IMMP2L: variants seen among roughly 807,000 people sequenced by gnomAD.
IMMP2L encodes mitochondrial inner membrane protease subunit 2.
Under a neutral mutation model 19.3 loss-of-function variants are expected in IMMP2L, and 18 were observed. The observed-to-expected ratio is 0.93, with a 90% CI of 0.64 to 1.38. The LOEUF (loss-of-function observed/expected upper bound fraction) is 1.38, where lower values mean the gene tolerates loss of function less well. Ranked by LOEUF, IMMP2L falls within the 40% of genes most tolerant of loss-of-function variation. The pLI, the probability that IMMP2L is intolerant of heterozygous loss-of-function variation, is 0.00. For missense variants in IMMP2L, 233 were observed against 218.2 expected, an observed-to-expected ratio of 1.07 and a Z score of -0.43; for synonymous variants, 76 against 73.0, an observed-to-expected ratio of 1.04 and a Z score of -0.21.
intron 3 of IMMP2L, among the ~76,000 whole-genome samples, chr7:111,168,412 A>T (rs1304187763): frequency 6.6e-6 from 1 of 151,808 alleles, no homozygotes; most frequent in Non-Finnish European, 1.5e-5. Flanking sequence ...ATCTATAAAC[A>T]GGAGGTTTGG....
chr7:110,896,041 T>G (rs1399708827), intron 4 of IMMP2L, among the ~76,000 whole-genome samples: 3 of 152,110 alleles, frequency 2.0e-5, no homozygotes. Context: ...AGGCTACTCT[T>G]GAACTCCTAG....
chr7:111,474,675 C>T (rs553836674), intron 3 of IMMP2L, among the ~76,000 whole-genome samples: 51 of 152,154 alleles, frequency 3.4e-4, no homozygotes, highest in African/African-American at 1.2e-3. Flanking sequence ...TAACTGATTT[C>T]CCCCCTTGAT....
chr7:110,803,624 A>G lies in IMMP2L; in HGVS notation c.408+82969T>C, dbSNP rs1801409991. 6.6e-6 allele frequency among the ~76,000 whole-genome samples: 1 copy of G among 152,002 alleles called. No individual in the cohort carries two copies. The highest frequency in any genetic ancestry group is 2.1e-4 in the South Asian group (1 of 4,824). ...GGGTCTTCCTACCTCTGCTGTGGTT[A>G]GTCATTGGATGGGGGGAGCTCCAGA... On this transcript the variant is annotated intron_variant, in intron 5 of 5. Transcript: ENST00000405709. This position sits in a 1 kb window ranked among gnomAD's most constrained non-coding sequence, Gnocchi z 4.2.
intron 3 of IMMP2L, 144 bp downstream of exon 3, chr7:111,487,094 A>G (rs1366999466): frequency 2.3e-6 from 1 of 442,220 alleles, no homozygotes; most frequent in Non-Finnish European, 4.0e-6. Context: ...TACACTGCAA[A>G]ATTGATTTTT....
At chr7:110,816,194 T>A (rs150755930) in intron 5 of IMMP2L, among the ~76,000 whole-genome samples, 6 of 152,014 alleles carry the variant, frequency 3.9e-5, no homozygotes, top group Non-Finnish European at 5.9e-5. Context: ...TCAAAGAACA[T>A]CTTTATTTCT....
At chr7:110,795,788 A>G (rs1398327561) in intron 5 of IMMP2L, among the ~76,000 whole-genome samples, 2 of 152,060 alleles carry the variant, frequency 1.3e-5, no homozygotes, top group Non-Finnish European at 1.5e-5. Context: ...GAAACCAGCT[A>G]CTAAATCCCA....
At chr7:110,808,829 G>T (rs1801817683) in intron 5 of IMMP2L, among the ~76,000 whole-genome samples, 1 of 151,996 alleles carries the variant, frequency 6.6e-6, no homozygotes, top group Admixed American at 6.6e-5. Context: ...ACCTAAATAT[G>T]GTTCTATGTG....
intron 3 of IMMP2L, among the ~76,000 whole-genome samples, chr7:111,234,071 C>T (rs957853899): frequency 7.9e-5 from 12 of 151,856 alleles, no homozygotes; most frequent in Non-Finnish European, 1.8e-4. Context: ...TATAAATTTC[C>T]CTTTAAGTAT....
chr7:111,124,580 G>GA (rs747411092), intron 3 of IMMP2L: 3 of 1,613,560 alleles, frequency 1.9e-6, no homozygotes, highest in African/African-American at 2.7e-5. Context: ...CAGAAAAACA[G>GA]AAAAAAATGT....
Position 111,152,225 on chromosome 7 carries a change from TATTA to T in IMMP2L, c.240-188664_240-188661del, listed in dbSNP as rs1399965965. On this transcript the variant is annotated intron_variant, in intron 3 of 5. Transcript: ENST00000405709. ...AGTTTTAATATGTAATATTAATTGC[TATTA>T]ATTACATAATCATAATGAATTTGAA... Among the ~76,000 whole-genome samples, 5 of 152,306 alleles carry T rather than the reference TATTA, an allele frequency of 3.3e-5. No homozygotes were observed. The South Asian group carries it at 1.0e-3, about 32-fold the overall frequency.
intron 3 of IMMP2L, among the ~76,000 whole-genome samples, chr7:111,079,718 A>T (rs1358908272): frequency 6.6e-6 from 1 of 152,210 alleles, no homozygotes; most frequent in African/African-American, 2.4e-5. Flanking sequence ...ATTTGTCTTC[A>T]AATTATAATC....
rs117798900 is a variant in IMMP2L, at chr7:110,698,496, G to A, written c.409-34775C>T. Reference sequence around the variant, plus strand: ...GGACAGGTGGATGGATGAATGGAGCGATGAGAGAATACCCTCCCCTCTACC... The same window carrying A: ...GGACAGGTGGATGGATGAATGGAGCAATGAGAGAATACCCTCCCCTCTACC... On this transcript the variant is annotated intron_variant, in intron 5 of 5. Transcript: ENST00000405709. 1.4e-4 allele frequency among the ~76,000 whole-genome samples: 21 copies of A among 152,272 alleles called. No homozygotes were observed. In the East Asian group the frequency reaches 3.9e-3, roughly 28 times the overall value.
At chr7:110,884,033 G>C (rs1166006431) in intron 5 of IMMP2L, among the ~76,000 whole-genome samples, 3 of 152,118 alleles carry the variant, frequency 2.0e-5, no homozygotes, top group East Asian at 1.9e-4. Context: ...ATTTTTAATT[G>C]AAGAGTCAAT....
At chr7:111,031,719 G>C (rs577163362) in intron 3 of IMMP2L, among the ~76,000 whole-genome samples, 3 of 152,094 alleles carry the variant, frequency 2.0e-5, no homozygotes, top group Non-Finnish European at 4.4e-5. Context: ...GCTGCTCATA[G>C]TGACTATCTT....
At chr7:111,122,085 G>A (rs183601797) in intron 3 of IMMP2L, among the ~76,000 whole-genome samples, 1 of 132,886 alleles carries the variant, frequency 7.5e-6, no homozygotes, top group Admixed American at 7.8e-5. Context: ...GTTGTGGGGT[G>A]GGGGGAGGGA....
At chr7:111,439,831 T>C (rs28704628) in intron 3 of IMMP2L, among the ~76,000 whole-genome samples, 1 of 151,846 alleles carries the variant, frequency 6.6e-6, no homozygotes, top group African/African-American at 2.4e-5. Flanking sequence ...AAAACTTCTT[T>C]CAAAATTAGG....
chr7:111,307,586 T>C (rs1823018062), intron 3 of IMMP2L, among the ~76,000 whole-genome samples: 1 of 151,602 alleles, frequency 6.6e-6, no homozygotes, highest in Admixed American at 6.6e-5. Context: ...CAATATACCA[T>C]TATAAAATAT....
intron 3 of IMMP2L, among the ~76,000 whole-genome samples, chr7:111,265,389 G>C (rs1274212487): frequency 1.3e-5 from 2 of 152,132 alleles, no homozygotes; most frequent in Non-Finnish European, 2.9e-5. Context: ...ATTCTCAATG[G>C]AATCTGATAA....
At chr7:111,449,279 T>C (rs1227589837) in intron 3 of IMMP2L, among the ~76,000 whole-genome samples, 1 of 137,690 alleles carries the variant, frequency 7.3e-6, no homozygotes, top group Non-Finnish European at 1.5e-5. Flanking sequence ...TAGACCAATA[T>C]CCTTGATGAA....
Sources: allele counts gnomAD v4.1 joint callset (sites outside exome capture counted in the v4.1 genomes callset), GRCh38; gene constraint gnomAD v4.1.1; non-coding constraint Gnocchi (gnomAD v3.1); transcripts MANE v1.5; gene names NCBI Gene and HGNC (gene_info 2026-07-23, HGNC 2026-07-21).